The following SMAD3 variants were observed in gnomAD, a reference collection of about 807,000 sequenced individuals.
SMAD3 encodes the protein MAD homolog 3.
SMAD3 carries 12 observed loss-of-function variants against 51.8 expected under a neutral mutation model. The ratio of observed to expected loss-of-function variants is 0.23; its 90% CI spans 0.15 to 0.38. SMAD3 has a LOEUF of 0.38. Among genes scored for constraint, SMAD3 ranks in the 10% least tolerant of loss-of-function variants. The pLI is 1.00. For synonymous variants in SMAD3, 238 were observed against 227.7 expected (o/e 1.05, Z -0.41); for missense variants, 294 against 565.6 (o/e 0.52, Z 4.87).
rs139575773 is a variant in SMAD3, at chr15:67,192,820, C to T, written c.*2284C>T. 3 of 233,188 alleles carry T rather than the reference C, an allele frequency of 1.3e-5. No individual in the cohort carries two copies. Among genetic ancestry groups the T allele is most frequent in the East Asian group, 6.0e-5 (1 of 16,686 alleles). 14.4% of individuals were successfully genotyped at this position (233,188 alleles called of 1,614,324 possible). A position where few individuals can be genotyped will look rare whatever the true frequency, so the allele number is the denominator to read the frequency against. ...GAACTTTGAATGTGATGAAATGACA[C>T]GTTTGGCTGCATTTGGATGGTGTCT... On this transcript the variant is annotated 3_prime_UTR_variant, in exon 9 of 9. Coordinates refer to ENST00000327367, the MANE Select transcript of SMAD3 (RefSeq NM_005902.4).
At chr15:67,138,298 C>G (rs912084261) in intron 1 of SMAD3, 1 of 543,012 alleles carries the variant, frequency 1.8e-6, no homozygotes, top group African/African-American at 1.9e-5. Flanking sequence ...TCGCTCAGGG[C>G]CCTCTGCCTG....
intron 1 of SMAD3, among the ~76,000 whole-genome samples, chr15:67,155,805 G>A (rs538119675): frequency 6.6e-6 from 1 of 152,104 alleles, no homozygotes; most frequent in African/African-American, 2.4e-5. Flanking sequence ...GGCCAACACG[G>A]TGAAACCCCA....
chr15:67,097,630 G>T (rs1960643229), intron 1 of SMAD3, among the ~76,000 whole-genome samples: 1 of 152,136 alleles, frequency 6.6e-6, no homozygotes, highest in Non-Finnish European at 1.5e-5. Flanking sequence ...TATAAAATGG[G>T]TATAATGGTA....
At chr15:67,180,881 C>T (rs995554835) in intron 5 of SMAD3, among the ~76,000 whole-genome samples, 2 of 152,096 alleles carry the variant, frequency 1.3e-5, no homozygotes, top group African/African-American at 4.8e-5. Context: ...TACTGGGTGG[C>T]CCCTGGTCCT....
intron 1 of SMAD3, among the ~76,000 whole-genome samples, chr15:67,066,901 G>A (rs554315591): frequency 2.6e-5 from 4 of 152,206 alleles, no homozygotes; most frequent in African/African-American, 4.8e-5. Flanking sequence ...TTCCTTCTTC[G>A]TTCTTTCTTT....
At chr15:67,122,340 C>T (rs1211700416) in intron 1 of SMAD3, among the ~76,000 whole-genome samples, 1 of 152,176 alleles carries the variant, frequency 6.6e-6, no homozygotes, top group Non-Finnish European at 1.5e-5. Context: ...TGCTGTTCCC[C>T]CCAGACCCTG....
At chr15:67,107,018 C>T (rs932448528) in intron 1 of SMAD3, among the ~76,000 whole-genome samples, 1 of 152,064 alleles carries the variant, frequency 6.6e-6, no homozygotes, top group South Asian at 2.1e-4. Flanking sequence ...CACAGGGCCC[C>T]GTCTGCACGA....
At chr15:67,133,373 C>T (rs542169997) in intron 1 of SMAD3, among the ~76,000 whole-genome samples, 351 of 152,038 alleles carry the variant, frequency 2.3e-3, no homozygotes, top group Middle Eastern at 3.4e-3. Context: ...TTGCCAATGC[C>T]AATATTATAT....
Position 67,194,203 on chromosome 15 carries a change from C to A in SMAD3, c.*3667C>A. ...CAAACCTCAACACAGCGAAGCTGTA[C>A]TGTCTTTGTGTGGCAAAGATGTTCC... On this transcript the variant is annotated 3_prime_UTR_variant, in exon 9 of 9. Coordinates refer to ENST00000327367, the MANE Select transcript of SMAD3 (RefSeq NM_005902.4). 2 of 233,484 alleles carry A rather than the reference C, an allele frequency of 8.6e-6. No homozygotes were observed. Among genetic ancestry groups the A allele is most frequent in the Non-Finnish European group, 1.7e-5 (2 of 118,050 alleles). 14.5% of individuals were successfully genotyped at this position (233,484 alleles called of 1,614,324 possible).
intron 1 of SMAD3, among the ~76,000 whole-genome samples, chr15:67,068,602 C>T (rs2140191679): frequency 6.6e-6 from 1 of 152,340 alleles, no homozygotes; most frequent in East Asian, 1.9e-4. Flanking sequence ...GAGGCATCTT[C>T]TGCCTGCCTG....
Position 67,181,449 on chromosome 15 carries a change from C to G in SMAD3, c.867C>G (p.His289Gln). ...CAGCAGTGGAGCTGACACGGAGACA[C>G]ATCGGTATGGGGTGGCTCCATTCCC... ...RNAAVELTRR[H>Q]IGRGVRLYYI... Residue 289 changes from histidine (H) to glutamine (Q), a missense_variant, in exon 6 of 9, where the codon CAC becomes CAG. His to Gln is a conservative substitution (Grantham distance 24). Transcript: ENST00000327367. 1 of 1,612,348 alleles carries G rather than the reference C, an allele frequency of 6.2e-7. No individual in the cohort carries two copies. Among genetic ancestry groups the G allele is most frequent in the Non-Finnish European group, 8.5e-7 (1 of 1,179,754 alleles).
At chr15:67,164,774 G>C in intron 1 of SMAD3, 121 bp from the exon 2 acceptor site, 1 of 1,054,706 alleles carries the variant, frequency 9.5e-7, no homozygotes, top group South Asian at 1.3e-5. Context: ...TGGACCTCTG[G>C]ATCTGGGAGA....
At chr15:67,143,312 T>C (rs59196506) in intron 1 of SMAD3, among the ~76,000 whole-genome samples, 2,755 of 152,374 alleles carry the variant, frequency 0.018, 83 homozygotes, top group African/African-American at 0.062. Context: ...ATTAATGTTT[T>C]AGTATTTAGA....
At chr15:67,145,052 T>C (rs752248555) in intron 1 of SMAD3, among the ~76,000 whole-genome samples, 15 of 152,168 alleles carry the variant, frequency 9.9e-5, no homozygotes, top group Non-Finnish European at 1.8e-4. Context: ...TGGAGTGTGT[T>C]GCTGGGGAGT....
Position 67,112,754 on chromosome 15 carries a change from T to C in SMAD3, c.206+46394T>C, listed in dbSNP as rs1961046217. Among the ~76,000 whole-genome samples the C allele has an allele frequency of 1.5e-5, 2 of 132,716 alleles. 1 individual carries two copies. The highest frequency in any genetic ancestry group is 3.1e-5 in the Non-Finnish European group (2 of 64,338). The allele number at this position is 132,716 out of a possible 152,430, so 87.1% of individuals were successfully genotyped here. On this transcript the variant is annotated intron_variant, in intron 1 of 8. Coordinates refer to ENST00000327367, the MANE Select transcript of SMAD3 (RefSeq NM_005902.4). ...AAAAATTTACTCCCTTGCATTCTTC[T>C]AAGAGTTTTATAATTTTAGCTCTTA...
At chr15:67,122,317 G>A (rs897432846) in intron 1 of SMAD3, among the ~76,000 whole-genome samples, 4 of 152,176 alleles carry the variant, frequency 2.6e-5, no homozygotes, top group South Asian at 2.1e-4. Flanking sequence ...GGTACTGTGC[G>A]GGTCAGCTCT....
chr15:67,087,877 G>C (rs1960427998), intron 1 of SMAD3, among the ~76,000 whole-genome samples: 1 of 152,102 alleles, frequency 6.6e-6, no homozygotes, highest in Non-Finnish European at 1.5e-5. Context: ...TTTTAATTTT[G>C]TGTTTATGGT....
chr15:67,186,064 A>C (rs1309610202), intron 7 of SMAD3, among the ~76,000 whole-genome samples: 1 of 152,258 alleles, frequency 6.6e-6, no homozygotes, highest in Admixed American at 6.5e-5. Context: ...GACCTCATTT[A>C]GTCCTCACCA....
chr15:67,133,660 G>A (rs1961583707), intron 1 of SMAD3, among the ~76,000 whole-genome samples: 1 of 152,202 alleles, frequency 6.6e-6, no homozygotes, highest in Non-Finnish European at 1.5e-5. Flanking sequence ...AACTGTAGCA[G>A]AAGCAGATGG....
Sources: allele counts gnomAD v4.1 joint callset (sites outside exome capture counted in the v4.1 genomes callset), GRCh38; gene constraint gnomAD v4.1.1; transcripts MANE v1.5; gene names NCBI Gene and HGNC (gene_info 2026-07-23, HGNC 2026-07-21).